Variants in HEPACAM2 observed in about 807,000 individuals in gnomAD.
HEPACAM2 encodes the protein HEPACAM family member 2.
Under a neutral mutation model 49.6 loss-of-function variants are expected in HEPACAM2, and 49 were observed. That is an observed-to-expected ratio of 0.99 (90% CI 0.78 to 1.25). The LOEUF (loss-of-function observed/expected upper bound fraction) is 1.25. HEPACAM2 is among the 50% of genes most tolerant of loss of function. HEPACAM2 has a pLI of 0.00. For synonymous variants in HEPACAM2, 197 were observed against 202.9 expected (o/e 0.97, Z 0.25); for missense variants, 525 against 557.2 (o/e 0.94, Z 0.58).
intron 9 of HEPACAM2, among the ~76,000 whole-genome samples, chr7:93,190,769 T>C (rs892996643): frequency 6.6e-6 from 1 of 151,564 alleles, no homozygotes; most frequent in African/African-American, 2.4e-5. Flanking sequence ...TTTCAAAGGG[T>C]GTTTTTTTTT....
chr7:93,199,122 TG>T (rs912086717), intron 4 of HEPACAM2, among the ~76,000 whole-genome samples: 3 of 152,240 alleles, frequency 2.0e-5, no homozygotes, highest in African/African-American at 7.2e-5. Flanking sequence ...CCATTTCTGA[TG>T]GGGAGTTTAT....
intron 9 of HEPACAM2, among the ~76,000 whole-genome samples, chr7:93,191,095 T>C (rs1793533030): frequency 6.6e-6 from 1 of 152,122 alleles, no homozygotes; most frequent in African/African-American, 2.4e-5. Flanking sequence ...CCCCTAGTTT[T>C]CTATTATAGA....
At position 93,188,863 on chromosome 7, in the gene HEPACAM2, C is replaced by A. The variant is rs991845108; in HGVS notation, c.*404G>T. ...AATAAAACAAAGTCTGCTGAAAAAT[C>A]GAACAATGTAAAGTTTCCACATTTG... On this transcript the variant is annotated 3_prime_UTR_variant, in exon 10 of 10. Coordinates refer to ENST00000394468, the MANE Select transcript of HEPACAM2 (RefSeq NM_001039372.4). The A allele has an allele frequency of 1.3e-5, 5 of 393,956 alleles. No individual in the cohort carries two copies. Among genetic ancestry groups the A allele is most frequent in the East Asian group, 3.6e-5 (1 of 27,976 alleles). 24.4% of individuals were successfully genotyped at this position (393,956 alleles called of 1,614,324 possible).
chr7:93,194,921 C>CT lies in HEPACAM2; in HGVS notation c.1275+906dup, dbSNP rs80158728. Among the ~76,000 whole-genome samples, 533 of 118,158 alleles carry CT rather than the reference C, an allele frequency of 4.5e-3. 3 individuals carry two copies. The highest frequency in any genetic ancestry group is 7.4e-3 in the Admixed American group (78 of 10,602). 77.5% of individuals were successfully genotyped at this position (118,158 alleles called of 152,430 possible). A position where few individuals can be genotyped will look rare whatever the true frequency, so the allele number is the denominator to read the frequency against. On this transcript the variant is annotated intron_variant, in intron 8 of 9. Transcript: ENST00000394468. ...AGAAAAACTGATTACTTTAAAAGAT[C>CT]TTTTTTTTTTTTTTTTTTCCGGACT...
chr7:93,218,879 A>G (rs551915124), intron 2 of HEPACAM2, among the ~76,000 whole-genome samples: 2 of 152,204 alleles, frequency 1.3e-5, no homozygotes, highest in Non-Finnish European at 2.9e-5. Flanking sequence ...TTGATTACCT[A>G]TTGCACTAGG....
At chr7:93,219,068 A>G in intron 2 of HEPACAM2, 33 bp downstream of exon 2, 1 of 1,586,504 alleles carries the variant, frequency 6.3e-7, no homozygotes, top group Admixed American at 1.7e-5. Flanking sequence ...ACCATGCTAG[A>G]CTGCTGCCCT....
chr7:93,207,808 G>A (rs535729787), intron 4 of HEPACAM2, among the ~76,000 whole-genome samples: 1 of 151,954 alleles, frequency 6.6e-6, no homozygotes, highest in African/African-American at 2.4e-5. Context: ...AGAGGCAGCT[G>A]GGTGTACGGT....
chr7:93,206,110 G>C (rs1454516374), intron 4 of HEPACAM2, among the ~76,000 whole-genome samples: 1 of 151,998 alleles, frequency 6.6e-6, no homozygotes, highest in Admixed American at 6.6e-5. Flanking sequence ...TTAGGCAGTG[G>C]GAAAGCCTTA....
intron 3 of HEPACAM2, among the ~76,000 whole-genome samples, chr7:93,212,422 A>T (rs1473318966): frequency 6.6e-6 from 1 of 151,814 alleles, no homozygotes; most frequent in East Asian, 1.9e-4. Flanking sequence ...GACTCTTGGA[A>T]CCTAACACTT....
chr7:93,189,814 T>C (rs1793496473), intron 9 of HEPACAM2, among the ~76,000 whole-genome samples: 1 of 152,004 alleles, frequency 6.6e-6, no homozygotes, highest in South Asian at 2.1e-4. Context: ...GAAGTTAGGA[T>C]TCTTTCCCCA....
chr7:93,195,954 G>GT (rs1793706732), intron 7 of HEPACAM2, 53 bp from the exon 8 acceptor site: 3 of 1,308,186 alleles, frequency 2.3e-6, no homozygotes, highest in Non-Finnish European at 3.3e-6. Flanking sequence ...ATTTGCTGTT[G>GT]TTTTTTAAAC....
chr7:93,230,100 A>G (rs1794597312), upstream of HEPACAM2, among the ~76,000 whole-genome samples: 1 of 152,188 alleles, frequency 6.6e-6, no homozygotes, highest in African/African-American at 2.4e-5. Context: ...CAAAGTTTCA[A>G]TACTTTCTTG....
upstream of HEPACAM2, among the ~76,000 whole-genome samples, chr7:93,227,029 A>C (rs946562321): frequency 6.6e-6 from 1 of 152,188 alleles, no homozygotes; most frequent in African/African-American, 2.4e-5. Context: ...GATTTCATTT[A>C]ATCTTTGAAT....
intron 9 of HEPACAM2, among the ~76,000 whole-genome samples, chr7:93,190,323 T>C (rs1793510753): frequency 6.6e-6 from 1 of 151,992 alleles, no homozygotes; most frequent in South Asian, 2.1e-4. Flanking sequence ...AGGAAAATTT[T>C]AAGAAGGATA....
chr7:93,205,981 G>A (rs183447913), intron 4 of HEPACAM2, among the ~76,000 whole-genome samples: 109 of 152,170 alleles, frequency 7.2e-4, no homozygotes, highest in African/African-American at 2.6e-3. Context: ...TTTTGCAAAA[G>A]GCAATTATCT....
intron 1 of HEPACAM2, among the ~76,000 whole-genome samples, chr7:93,220,796 ATTATT>A (rs1794434365): frequency 6.6e-6 from 1 of 152,128 alleles, no homozygotes; most frequent in South Asian, 2.1e-4. Flanking sequence ...GCCATGATAT[ATTATT>A]TTATTTTATT....
At chr7:93,219,556 A>C in intron 1 of HEPACAM2, 105 bp from the exon 2 acceptor site, 1 of 1,553,846 alleles carries the variant, frequency 6.4e-7, no homozygotes, top group Non-Finnish European at 8.7e-7. Flanking sequence ...TTTTCAAAGA[A>C]GAGTGGCTTC....
At position 93,219,246 on chromosome 7, in the gene HEPACAM2, TTGG is replaced by T. The variant is rs1208271251; in HGVS notation, c.282_284del (p.Tyr94_Gln95delinsTer). On this transcript the variant is annotated stop_gained and inframe_deletion, in exon 2 of 10. Transcript: ENST00000394468. LOFTEE classifies it high-confidence loss of function. ...TGGGTGGCATCATGGTGAACTTGTG[TTGG>T]TATTCCAAGTCAGGAACCACAGACT... is the stretch of plus-strand genomic sequence containing the variant. 1.9e-6 allele frequency: 3 copies of T among 1,613,882 alleles called. No homozygotes were observed. Among genetic ancestry groups the T allele is most frequent in the Non-Finnish European group, 1.7e-6 (2 of 1,179,948 alleles).
chr7:93,215,118 C>T (rs1225700858), intron 3 of HEPACAM2, among the ~76,000 whole-genome samples: 1 of 152,146 alleles, frequency 6.6e-6, no homozygotes, highest in African/African-American at 2.4e-5. Context: ...AATTGAGAAT[C>T]TTGCTTTCCG....
Sources: gnomAD v4.1 joint callset for allele counts (sites outside exome capture counted in the v4.1 genomes callset) on GRCh38, gnomAD v4.1.1 for gene constraint, MANE v1.5 for transcripts, NCBI Gene and HGNC (gene_info 2026-07-23, HGNC 2026-07-21) for gene names.